OR1J2: variants seen among roughly 807,000 people sequenced by gnomAD.
OR1J2 encodes olfactory receptor family 1 subfamily J member 2, also known as olfactory receptor 1J2.
For missense variants in OR1J2, 304 were observed against 246.1 expected, an observed-to-expected ratio of 1.24 and a Z score of -1.57; for synonymous variants, 142 against 99.7, an observed-to-expected ratio of 1.42 and a Z score of -2.52.
chr9:122,452,342 T>G, the OR1J2 span, among the ~76,000 whole-genome samples: 2 of 152,314 alleles, frequency 1.3e-5, no homozygotes, highest in East Asian at 3.9e-4. Flanking sequence ...TTTTTGACAC[T>G]GTTGCTCTGA....
chr9:122,470,314 C>G, the OR1J2 span, among the ~76,000 whole-genome samples: 1 of 152,202 alleles, frequency 6.6e-6, no homozygotes, highest in African/African-American at 2.4e-5. Context: ...AGAGCTCAGG[C>G]CATGGCTTCA....
the OR1J2 span, among the ~76,000 whole-genome samples, chr9:122,463,093 A>G: frequency 4.6e-5 from 7 of 151,964 alleles, no homozygotes; most frequent in East Asian, 1.9e-4. Flanking sequence ...CATAACCCCA[A>G]ACTTCTTGGA....
Position 122,510,879 on chromosome 9 carries a change from G to A in OR1J2, c.78G>A (p.Val26=). Residue 26 remains valine, a synonymous_variant, in exon 1 of 1, where the codon GTG becomes GTA. Transcript: ENST00000335302. ...GLPIRPEQQA[V]FFTLFLGMYL... is the part of the protein sequence containing the mutation. ...CCATCCGGCCAGAGCAGCAGGCTGT[G>A]TTCTTCACCCTGTTCCTGGGCATGT... is the stretch of plus-strand genomic sequence containing the variant. The A allele has an allele frequency of 1.2e-6, 2 of 1,611,422 alleles. No individual in the cohort carries two copies. Among genetic ancestry groups the A allele is most frequent in the East Asian group, 2.2e-5 (1 of 44,868 alleles).
At chr9:122,572,145 A>G in the OR1J2 span, among the ~76,000 whole-genome samples, 1 of 152,200 alleles carries the variant, frequency 6.6e-6, no homozygotes, top group Admixed American at 6.5e-5. Flanking sequence ...CTAACATGAT[A>G]CTAGCACCAG....
chr9:122,553,618 G>A, the OR1J2 span: 1 of 1,614,082 alleles, frequency 6.2e-7, no homozygotes, highest in Non-Finnish European at 8.5e-7. Flanking sequence ...CTCCATTACA[G>A]CACATCTATG....
At chr9:122,492,157 C>G in the OR1J2 span, among the ~76,000 whole-genome samples, 2 of 152,030 alleles carry the variant, frequency 1.3e-5, no homozygotes, top group African/African-American at 4.8e-5. Flanking sequence ...TCCTCCCTCC[C>G]TCCCTTCTTT....
At chr9:122,530,405 A>C in the OR1J2 span, among the ~76,000 whole-genome samples, 1 of 152,240 alleles carries the variant, frequency 6.6e-6, no homozygotes, top group African/African-American at 2.4e-5. Context: ...GGCTAAACGT[A>C]CTACACTTGG....
At chr9:122,564,652 G>A in the OR1J2 span, among the ~76,000 whole-genome samples, 2 of 152,316 alleles carry the variant, frequency 1.3e-5, no homozygotes, top group South Asian at 4.1e-4. Flanking sequence ...TCACCAAGCA[G>A]TGACTCCAAT....
the OR1J2 span, chr9:122,527,297 T>A: frequency 6.3e-6 from 10 of 1,578,342 alleles, no homozygotes; most frequent in African/African-American, 1.2e-4. Flanking sequence ...TTTCCATGAC[T>A]CTGCAGCATC....
At chr9:122,480,375 T>TA in the OR1J2 span, among the ~76,000 whole-genome samples, 123 of 152,192 alleles carry the variant, frequency 8.1e-4, no homozygotes, top group Admixed American at 3.3e-3. Flanking sequence ...GGAAAAATAA[T>TA]ACTATATCCC....
the OR1J2 span, chr9:122,553,483 A>C: frequency 3.7e-5 from 60 of 1,613,952 alleles, 1 homozygote; most frequent in South Asian, 6.4e-4. Context: ...ATTCATACCC[A>C]GAGTCAGATC....
chr9:122,535,657 C>T, the OR1J2 span, among the ~76,000 whole-genome samples: 44 of 152,036 alleles, frequency 2.9e-4, no homozygotes, highest in African/African-American at 1.0e-3. Flanking sequence ...GACCTGAGGT[C>T]GTAGGTGGAT....
At chr9:122,553,174 A>C in the OR1J2 span, 2 of 1,594,166 alleles carry the variant, frequency 1.3e-6, no homozygotes, top group African/African-American at 2.7e-5. Flanking sequence ...TGACACATGG[A>C]AGGTTTTTAT....
At chr9:122,554,146 A>T in the OR1J2 span, 1 of 1,611,440 alleles carries the variant, frequency 6.2e-7, no homozygotes, top group East Asian at 2.2e-5. Context: ...GTCAGTGGAA[A>T]AACATTCTTT....
the OR1J2 span, among the ~76,000 whole-genome samples, chr9:122,481,958 A>T: frequency 6.6e-6 from 1 of 152,258 alleles, no homozygotes; most frequent in Admixed American, 6.5e-5. Context: ...TTAGACAAGG[A>T]TTTTTTTGAC....
chr9:122,558,681 G>GAT, the OR1J2 span, among the ~76,000 whole-genome samples: 5,569 of 151,306 alleles, frequency 0.037, 335 homozygotes, highest in African/African-American at 0.13. Context: ...ATAATAGATG[G>GAT]ATATATGTAT....
At chr9:122,467,940 G>A in the OR1J2 span, among the ~76,000 whole-genome samples, 2 of 152,298 alleles carry the variant, frequency 1.3e-5, no homozygotes, top group South Asian at 4.1e-4. Context: ...AGGGGATCAA[G>A]CCAACCAATA....
chr9:122,519,562 G>C, the OR1J2 span: 1 of 1,614,156 alleles, frequency 6.2e-7, no homozygotes, highest in East Asian at 2.2e-5. Flanking sequence ...GAGGGACTGT[G>C]TAACTTACTA....
upstream of OR1J2, chr9:122,510,725 A>G (rs919458627): frequency 4.4e-5 from 38 of 862,108 alleles, no homozygotes; most frequent in Non-Finnish European, 5.1e-5. Context: ...ATCTTTTAAT[A>G]TGACTGCTAA....
Sources: gnomAD v4.1 joint callset for allele counts (sites outside exome capture counted in the v4.1 genomes callset) on GRCh38, gnomAD v4.1.1 for gene constraint, MANE v1.5 for transcripts, NCBI Gene and HGNC (gene_info 2026-07-23, HGNC 2026-07-21) for gene names.